DMXL1: variants seen among roughly 807,000 people sequenced by gnomAD.
DMXL1 encodes the protein dmX-like protein 1.
DMXL1 carries 99 observed loss-of-function variants against 319.2 expected under a neutral mutation model. The ratio of observed to expected loss-of-function variants is 0.31; its 90% CI spans 0.26 to 0.37. The LOEUF (loss-of-function observed/expected upper bound fraction) is 0.37. Ranked by LOEUF, DMXL1 falls within the 10% of genes least tolerant of loss-of-function variation. The probability of loss-of-function intolerance (pLI) is 1.00; values close to 1 mark genes in which losing one functional copy is unlikely to be tolerated. For missense variants in DMXL1, 3,745 were observed against 3,595.6 expected (o/e 1.04, Z -1.06); for synonymous variants, 1,385 against 1,235.2 (o/e 1.12, Z -2.54).
chr5:119,139,353 A>T (rs1313757985), intron 13 of DMXL1, among the ~76,000 whole-genome samples: 1 of 152,104 alleles, frequency 6.6e-6, no homozygotes, highest in Non-Finnish European at 1.5e-5. Flanking sequence ...ATTTAAAAAA[A>T]CAATGGTATG....
chr5:119,127,540 G>T (rs1194066151), intron 9 of DMXL1, among the ~76,000 whole-genome samples: 2 of 152,162 alleles, frequency 1.3e-5, no homozygotes, highest in Non-Finnish European at 2.9e-5. Flanking sequence ...CTGGCTTCAA[G>T]TGATTCTTGT....
rs779325857 is a variant in DMXL1 at position 119,178,003 on chromosome 5, T to A, written c.6894T>A (p.Thr2298=). The A allele has an allele frequency of 1.9e-6, 3 of 1,602,848 alleles. No homozygotes were observed. The Admixed American group carries it at 5.0e-5, about 27-fold the overall frequency. The change falls in exon 28 of 44, where the codon ACT becomes ACA. Residue 2298 remains threonine (T), a synonymous_variant. Coordinates refer to ENST00000539542, the MANE Select transcript of DMXL1 (RefSeq NM_001290321.3). The stretch of plus-strand genomic sequence containing the variant: ...GTTTGTTTGTCGTTCTAGGAATAAC[T>A]TGTCTAATTCGACTTTTGAATTCTT... ...NTSPAQWPGI[T]CLIRLLNSSG... is the part of the protein sequence containing the mutation.
intron 9 of DMXL1, among the ~76,000 whole-genome samples, chr5:119,124,760 T>G (rs1416388172): frequency 6.6e-6 from 1 of 151,956 alleles, no homozygotes; most frequent in Non-Finnish European, 1.5e-5. Context: ...GAGATGGTGT[T>G]TCACCATGTT....
chr5:119,103,114 A>C (rs1757629076), intron 3 of DMXL1, among the ~76,000 whole-genome samples: 1 of 151,494 alleles, frequency 6.6e-6, no homozygotes, highest in Admixed American at 6.6e-5. Context: ...AAGAAAGAGC[A>C]GTGTATTGGG....
In DMXL1 at chr5:119,189,755, C is replaced by T; in HGVS notation, c.7183C>T (p.Pro2395Ser). The T allele has an allele frequency of 6.2e-7, 1 of 1,614,070 alleles. No individual in the cohort carries two copies. The highest frequency in any genetic ancestry group is 8.5e-7 in the Non-Finnish European group (1 of 1,179,972). Reference protein sequence around the residue: ...EGEKQNKRFRPSKMSCRESAP... With the variant: ...EGEKQNKRFRSSKMSCRESAP... ...AGAAAAACAGAACAAACGTTTTAGG[C>T]CGTCAAAAATGTCTTGCAGAGAATC... is the stretch of plus-strand genomic sequence containing the variant. The change falls in exon 29 of 44, where the codon CCG becomes TCG. Residue 2395 changes from proline to serine, a missense_variant. Transcript: ENST00000539542.
At chr5:119,235,356 G>A (rs1217918226) in intron 39 of DMXL1, among the ~76,000 whole-genome samples, 6 of 152,040 alleles carry the variant, frequency 3.9e-5, no homozygotes, top group Non-Finnish European at 7.4e-5. Context: ...ACAGAAAAGA[G>A]TTATTGGAAA....
At chr5:119,123,464 T>TAGAGGG (rs566513045) in intron 9 of DMXL1, among the ~76,000 whole-genome samples, 1 of 92,484 alleles carries the variant, frequency 1.1e-5, no homozygotes, top group Non-Finnish European at 2.2e-5. Context: ...GGAGGAGAGG[T>TAGAGGG]AGAGGGAGAG....
intron 4 of DMXL1, among the ~76,000 whole-genome samples, chr5:119,109,114 T>A (rs1388924354): frequency 2.0e-5 from 3 of 152,174 alleles, no homozygotes; most frequent in African/African-American, 7.2e-5. Flanking sequence ...CATCTGAATT[T>A]CTATAGTTAA....
intron 4 of DMXL1, among the ~76,000 whole-genome samples, chr5:119,105,871 T>G (rs1383439496): frequency 4.1e-5 from 6 of 145,300 alleles, no homozygotes; most frequent in Admixed American, 2.1e-4. Flanking sequence ...CACTTCAGCC[T>G]GGGCAACAAG....
chr5:119,111,811 T>C (rs1204655600), intron 5 of DMXL1, among the ~76,000 whole-genome samples: 2 of 151,302 alleles, frequency 1.3e-5, no homozygotes, highest in African/African-American at 4.8e-5. Context: ...TAACAAGATA[T>C]AGCACATATT....
intron 13 of DMXL1, among the ~76,000 whole-genome samples, chr5:119,139,686 A>G (rs1367008232): frequency 6.6e-6 from 1 of 152,210 alleles, no homozygotes; most frequent in African/African-American, 2.4e-5. Flanking sequence ...GGGAGCCTTC[A>G]ACACTTCAAT....
Position 119,189,770 on chromosome 5 carries a change from T to C in DMXL1, c.7198T>C (p.Cys2400Arg). The C allele has an allele frequency of 6.2e-7, 1 of 1,614,172 alleles. No homozygotes were observed. Among genetic ancestry groups the C allele is most frequent in the South Asian group, 1.1e-5 (1 of 91,090 alleles). The stretch of plus-strand genomic sequence containing the variant: ...ACGTTTTAGGCCGTCAAAAATGTCT[T>C]GCAGAGAATCTGCCCCACTGACCCC... ...NKRFRPSKMS[C>R]RESAPLTPSS... is the part of the protein sequence containing the mutation. Residue 2400 changes from cysteine (C) to arginine (R), a missense_variant, in exon 29 of 44, where the codon TGC becomes CGC. Coordinates refer to ENST00000539542, the MANE Select transcript of DMXL1 (RefSeq NM_001290321.3).
intron 21 of DMXL1, among the ~76,000 whole-genome samples, chr5:119,166,162 A>AC (rs1421037002): frequency 6.6e-6 from 1 of 152,142 alleles, no homozygotes; most frequent in East Asian, 1.9e-4. Flanking sequence ...ACCCACATGA[A>AC]CAGCGACCTT....
chr5:119,105,650 C>T (rs1276611800), intron 4 of DMXL1, among the ~76,000 whole-genome samples: 1 of 152,074 alleles, frequency 6.6e-6, no homozygotes, highest in East Asian at 1.9e-4. Flanking sequence ...ATTCCCAGCA[C>T]TTTGGGAGGC....
chr5:119,189,956 C>T, intron 29 of DMXL1, 70 bp downstream of exon 29: 1 of 1,450,642 alleles, frequency 6.9e-7, no homozygotes, highest in Non-Finnish European at 9.4e-7. Context: ...AAATAAGTGT[C>T]ATTTTTGGTG....
In DMXL1 at chr5:119,149,068, T is replaced by A. The variant is rs1190179626; in HGVS notation, c.3241T>A (p.Phe1081Ile). 3 of 1,613,828 alleles carry A rather than the reference T, an allele frequency of 1.9e-6. No homozygotes were observed. Among genetic ancestry groups the A allele is most frequent in the Non-Finnish European group, 2.5e-6 (3 of 1,179,878 alleles). The change falls in exon 18 of 44, where the codon TTT (phenylalanine) becomes ATT (isoleucine). Residue 1081 changes from phenylalanine to isoleucine, a missense_variant. Phe to Ile is a conservative substitution (Grantham distance 21, BLOSUM62 0). This residue lies in a region of DMXL1 where 2,096 missense variants were observed against 1,985.4 expected (regional missense o/e 1.06). Transcript: ENST00000539542. ...SQDFVMHVSI[F>I]ECESTGGSCW... is the part of the protein sequence containing the mutation. Reference sequence around the variant, plus strand: ...GGACTTTGTGATGCATGTAAGTATTTTTGAATGTGAGTCAACAGGAGGTTC... The same window carrying A: ...GGACTTTGTGATGCATGTAAGTATTATTGAATGTGAGTCAACAGGAGGTTC...
At position 119,171,061 on chromosome 5, in the gene DMXL1, T is replaced by C. The variant is rs1043953680; in HGVS notation, c.6270T>C (p.Asn2090=). 3 of 1,613,684 alleles carry C rather than the reference T, an allele frequency of 1.9e-6. No individual in the cohort carries two copies. In the African/African-American group the frequency reaches 4.0e-5, roughly 22 times the overall value. The stretch of plus-strand genomic sequence containing the variant: ...AACTACAGTCTGCATTTGGCAGAAA[T>C]GAAGATGAATTTGGATTAAATGAGG... ...AEELQSAFGR[N]EDEFGLNEDA... The change falls in exon 24 of 44, where the codon AAT becomes AAC. Residue 2090 remains asparagine (N), a synonymous_variant. Coordinates refer to ENST00000539542, the MANE Select transcript of DMXL1 (RefSeq NM_001290321.3).
chr5:119,170,851 A>G lies in DMXL1; in HGVS notation c.6060A>G (p.Ser2020=). The part of the protein sequence containing the change: ...TLDENDLLNP[S]EDIIAVQLKF... ...ATGAAAATGACCTTTTAAATCCATCAGAAGATATAATTGCAGTTCAGTTAA... is the reference window on the plus strand; with the variant it reads ...ATGAAAATGACCTTTTAAATCCATCGGAAGATATAATTGCAGTTCAGTTAA... Residue 2020 remains serine, a synonymous_variant, in exon 24 of 44, where the codon TCA becomes TCG. Coordinates refer to ENST00000539542, the MANE Select transcript of DMXL1 (RefSeq NM_001290321.3). 6.2e-7 allele frequency: 1 copy of G among 1,612,540 alleles called. No individual in the cohort carries two copies. Among genetic ancestry groups the G allele is most frequent in the Non-Finnish European group, 8.5e-7 (1 of 1,179,658 alleles).
intron 22 of DMXL1, 112 bp from the exon 23 acceptor site, chr5:119,167,491 A>AT: frequency 1.2e-6 from 1 of 862,060 alleles, no homozygotes; most frequent in Admixed American, 3.1e-5. Flanking sequence ...TTCTTTGCTA[A>AT]TTTTGGATAT....
Sources: gnomAD v4.1 joint callset for allele counts (sites outside exome capture counted in the v4.1 genomes callset) on GRCh38, gnomAD v4.1.1 for gene constraint, gnomAD v4.1.1 regional missense constraint, MANE v1.5 for transcripts, NCBI Gene and HGNC (gene_info 2026-07-23, HGNC 2026-07-21) for gene names.